MACROD2: variants seen among roughly 807,000 people sequenced by gnomAD.
The protein encoded by MACROD2 is ADP-ribose glycohydrolase MACROD2.
Under a neutral mutation model 70.4 loss-of-function variants are expected in MACROD2, and 36 were observed. That is an observed-to-expected ratio of 0.51 (90% CI 0.39 to 0.68). MACROD2 has a LOEUF of 0.68. Among genes scored for constraint, MACROD2 ranks in the 30% least tolerant of loss-of-function variants. The pLI, the probability that MACROD2 is intolerant of heterozygous loss-of-function variation, is 0.00. For synonymous variants in MACROD2, 172 were observed against 178.8 expected (o/e 0.96, Z 0.30); for missense variants, 496 against 538.4 (o/e 0.92, Z 0.78).
chr20:14,321,756 A>C (rs1329572579), intron 3 of MACROD2, among the ~76,000 whole-genome samples: 1 of 152,158 alleles, frequency 6.6e-6, no homozygotes, highest in Non-Finnish European at 1.5e-5. Context: ...GTAGTTACTA[A>C]AGCCAAGTTC....
chr20:15,622,189 T>A (rs187856155), intron 8 of MACROD2, among the ~76,000 whole-genome samples: 18 of 152,342 alleles, frequency 1.2e-4, no homozygotes, highest in Admixed American at 1.0e-3. Context: ...TGGTTCATAG[T>A]CTCATTGTTC....
intron 8 of MACROD2, among the ~76,000 whole-genome samples, chr20:15,766,090 C>T (rs2051520528): frequency 6.6e-6 from 1 of 152,066 alleles, no homozygotes; most frequent in Non-Finnish European, 1.5e-5. Context: ...TGTTTTTTCT[C>T]CCAGCCAAGT....
chr20:15,461,901 A>T (rs1444692458), intron 7 of MACROD2, among the ~76,000 whole-genome samples: 8 of 152,194 alleles, frequency 5.3e-5, no homozygotes, highest in Admixed American at 4.6e-4. Flanking sequence ...AAAACAACCA[A>T]GCTGTAGACT....
chr20:15,547,479 A>G (rs1329719718), intron 8 of MACROD2, among the ~76,000 whole-genome samples: 1 of 152,136 alleles, frequency 6.6e-6, no homozygotes, highest in Non-Finnish European at 1.5e-5. Flanking sequence ...TCTCTAAGCC[A>G]TATGTTGTAA....
intron 3 of MACROD2, among the ~76,000 whole-genome samples, chr20:14,225,527 T>C (rs2081724606): frequency 6.6e-6 from 1 of 152,236 alleles, no homozygotes; most frequent in African/African-American, 2.4e-5. Flanking sequence ...TTGTTAAAAA[T>C]AATTACTGAA....
At chr20:14,335,151 G>C (rs2082914206) in intron 3 of MACROD2, among the ~76,000 whole-genome samples, 1 of 152,120 alleles carries the variant, frequency 6.6e-6, no homozygotes, top group Admixed American at 6.6e-5. Flanking sequence ...AGGGTGTGTG[G>C]CCAAGAAAAG....
intron 6 of MACROD2, among the ~76,000 whole-genome samples, chr20:15,305,520 A>G (rs369988964): frequency 6.6e-6 from 1 of 152,094 alleles, no homozygotes; most frequent in Non-Finnish European, 1.5e-5. Flanking sequence ...TTCTATCCCA[A>G]TCACAAGTCC....
At chr20:14,602,291 T>A (rs1438290066) in intron 4 of MACROD2, among the ~76,000 whole-genome samples, 3 of 152,238 alleles carry the variant, frequency 2.0e-5, no homozygotes, top group Non-Finnish European at 4.4e-5. Context: ...CCTGAGGTAC[T>A]GTTTGCACAT....
At chr20:15,764,868 T>C (rs918111971) in intron 8 of MACROD2, among the ~76,000 whole-genome samples, 2 of 152,214 alleles carry the variant, frequency 1.3e-5, no homozygotes, top group Admixed American at 1.3e-4. Flanking sequence ...ATGACCTTTA[T>C]GATTTAGTCC....
At chr20:15,785,173 TA>T (rs1050777542) in intron 8 of MACROD2, among the ~76,000 whole-genome samples, 3 of 137,710 alleles carry the variant, frequency 2.2e-5, no homozygotes, top group African/African-American at 5.5e-5. Flanking sequence ...AAAAAAAAAT[TA>T]AAAAAAATCA....
chr20:14,473,527 A>G (rs183362036), intron 3 of MACROD2, among the ~76,000 whole-genome samples: 4 of 152,244 alleles, frequency 2.6e-5, no homozygotes, highest in South Asian at 4.1e-4. Context: ...ATGGACACCA[A>G]ATTTTTCAAT....
At chr20:15,123,287 A>C (rs1320801252) in intron 5 of MACROD2, among the ~76,000 whole-genome samples, 1 of 152,160 alleles carries the variant, frequency 6.6e-6, no homozygotes, top group Non-Finnish European at 1.5e-5. Context: ...TAAGGGTAGC[A>C]AAGAGACCAG....
At chr20:14,245,817 T>C (rs1191533809) in intron 3 of MACROD2, among the ~76,000 whole-genome samples, 5 of 151,972 alleles carry the variant, frequency 3.3e-5, no homozygotes, top group Admixed American at 3.3e-4. Context: ...ATCCAGAGAG[T>C]TGAAAATTCA....
At chr20:14,743,220 A>G (rs963187309) in intron 5 of MACROD2, among the ~76,000 whole-genome samples, 1 of 152,152 alleles carries the variant, frequency 6.6e-6, no homozygotes, top group Non-Finnish European at 1.5e-5. Flanking sequence ...TTGTGGTAGT[A>G]AGAATGCTGG....
chr20:14,466,512 C>G (rs112374483), intron 3 of MACROD2, among the ~76,000 whole-genome samples: 8 of 152,182 alleles, frequency 5.3e-5, no homozygotes, highest in African/African-American at 1.4e-4. Context: ...GTTTGATCAT[C>G]TGAAACCTTC....
At chr20:14,170,274 A>G (rs1216079503) in intron 3 of MACROD2, among the ~76,000 whole-genome samples, 1 of 152,178 alleles carries the variant, frequency 6.6e-6, no homozygotes, top group Non-Finnish European at 1.5e-5. Flanking sequence ...TTGGTATACA[A>G]TCATATCATC....
At chr20:14,272,851 C>A (rs1333249612) in intron 3 of MACROD2, among the ~76,000 whole-genome samples, 1 of 152,090 alleles carries the variant, frequency 6.6e-6, no homozygotes, top group Non-Finnish European at 1.5e-5. Flanking sequence ...ATCCTAGTCT[C>A]TGATAAAACA....
intron 5 of MACROD2, chr20:15,022,990 C>A (rs6043060): frequency 2.8e-4 from 43 of 151,920 alleles, no homozygotes; most frequent in African/African-American, 1.0e-3. Flanking sequence ...TGTATATATT[C>A]TCTGTAGTTT....
At position 15,933,331 on chromosome 20, in the gene MACROD2, A is replaced by G. The variant is rs763310435; in HGVS notation, c.831A>G (p.Gln277=). ...TGGAAGAAATGGAAGAGCAGAGCCA[A>G]GATGCAGGTAGGCTCAGATTTCTTT... is the stretch of plus-strand genomic sequence containing the variant. The part of the protein sequence containing the change: ...QSVEEMEEQS[Q]DADGVNTVTV... Residue 277 remains glutamine (Q), a synonymous_variant, in exon 11 of 18, where the codon CAA becomes CAG. Transcript: ENST00000684519. The G allele has an allele frequency of 1.2e-6, 2 of 1,613,208 alleles. No individual in the cohort carries two copies. Among genetic ancestry groups the G allele is most frequent in the Non-Finnish European group, 1.7e-6 (2 of 1,179,462 alleles).
Sources: allele counts gnomAD v4.1 joint callset (sites outside exome capture counted in the v4.1 genomes callset), GRCh38; gene constraint gnomAD v4.1.1; transcripts MANE v1.5; gene names NCBI Gene and HGNC (gene_info 2026-07-23, HGNC 2026-07-21).